The following SHROOM3 variants were observed in gnomAD, a reference collection of about 807,000 sequenced individuals.
The protein encoded by SHROOM3 is shroom family member 3.
Under a neutral mutation model 138.6 loss-of-function variants are expected in SHROOM3, and 47 were observed. The observed-to-expected ratio is 0.34, with a 90% CI of 0.27 to 0.43. The LOEUF is 0.43. Ranked by LOEUF, SHROOM3 falls within the 20% of genes least tolerant of loss-of-function variation. The pLI is 1.00. For synonymous variants in SHROOM3, 1,062 were observed against 1,063.3 expected (o/e 1.00, Z 0.02); for missense variants, 2,491 against 2,596.5 (o/e 0.96, Z 0.88).
chr4:76,716,277 C>A (rs1720370844), intron 3 of SHROOM3: 1 of 517,824 alleles, frequency 1.9e-6, no homozygotes, highest in Non-Finnish European at 3.9e-6. Flanking sequence ...ACATGTAGTA[C>A]TTGTGAGGCT....
intron 5 of SHROOM3, among the ~76,000 whole-genome samples, chr4:76,743,891 C>T (rs1721344993): frequency 6.6e-6 from 1 of 152,212 alleles, no homozygotes. Flanking sequence ...TTTCATTTAG[C>T]TTGATGGATT....
intron 1 of SHROOM3, among the ~76,000 whole-genome samples, chr4:76,532,670 G>C (rs1002331478): frequency 6.6e-6 from 1 of 152,148 alleles, no homozygotes; most frequent in Admixed American, 6.5e-5. Context: ...AGCAAAACTA[G>C]CATAAATTTG....
intron 1 of SHROOM3, among the ~76,000 whole-genome samples, chr4:76,460,922 A>C (rs1731129144): frequency 6.6e-6 from 1 of 151,208 alleles, no homozygotes; most frequent in South Asian, 2.1e-4. Flanking sequence ...GATTCTGGGA[A>C]GTCAAGGCAG....
intron 1 of SHROOM3, among the ~76,000 whole-genome samples, chr4:76,481,497 A>G (rs1375654152): frequency 2.6e-5 from 4 of 151,878 alleles, no homozygotes; most frequent in African/African-American, 9.7e-5. Context: ...ATAGCCTGCC[A>G]ACCAGGTAGG....
At chr4:76,532,401 C>T (rs1012018780) in intron 1 of SHROOM3, 4 of 152,146 alleles carry the variant, frequency 2.6e-5, no homozygotes, top group African/African-American at 9.7e-5. Context: ...TTCCCTATTC[C>T]ACTGAAAATA....
chr4:76,501,008 G>A lies in SHROOM3; in HGVS notation c.169-54601G>A, dbSNP rs561800984. 8.5e-5 allele frequency among the ~76,000 whole-genome samples: 13 copies of A among 152,112 alleles called. No individual in the cohort carries two copies. The East Asian group carries it at 2.3e-3, about 27-fold the overall frequency. On this transcript the variant is annotated intron_variant, in intron 1 of 10. Transcript: ENST00000296043. Reference sequence around the variant, plus strand: ...TTATTTTGTAGAGATGGGGGGTGGTGAATCTTGCTATTTGCTCAGGCTAAT... The same window carrying A: ...TTATTTTGTAGAGATGGGGGGTGGTAAATCTTGCTATTTGCTCAGGCTAAT...
intron 1 of SHROOM3, among the ~76,000 whole-genome samples, chr4:76,477,728 A>C (rs968625471): frequency 6.6e-6 from 1 of 152,182 alleles, no homozygotes; most frequent in African/African-American, 2.4e-5. Context: ...GCTCCCAGTG[A>C]GATCAACGCA....
At chr4:76,467,058 T>TTC (rs1731264160) in intron 1 of SHROOM3, among the ~76,000 whole-genome samples, 1 of 151,578 alleles carries the variant, frequency 6.6e-6, no homozygotes, top group Non-Finnish European at 1.5e-5. Context: ...TTTTTTTTTT[T>TTC]TCTAGACAGG....
chr4:76,545,586 C>G (rs953350858), intron 1 of SHROOM3, among the ~76,000 whole-genome samples: 23 of 152,324 alleles, frequency 1.5e-4, no homozygotes, highest in African/African-American at 5.5e-4. Context: ...ATTTCTTCCT[C>G]TTGGTCTCAT....
chr4:76,695,703 A>G (rs1719707315), intron 2 of SHROOM3, among the ~76,000 whole-genome samples: 1 of 152,206 alleles, frequency 6.6e-6, no homozygotes, highest in Non-Finnish European at 1.5e-5. Flanking sequence ...CTGTTCCTAT[A>G]TGAGCCTTTT....
intron 3 of SHROOM3, among the ~76,000 whole-genome samples, chr4:76,714,871 T>C (rs1720327253): frequency 6.6e-6 from 1 of 152,234 alleles, no homozygotes; most frequent in Non-Finnish European, 1.5e-5. Flanking sequence ...AATTCAGTAC[T>C]ACTGTTATTT....
intron 5 of SHROOM3, among the ~76,000 whole-genome samples, chr4:76,748,814 C>CTTTTT (rs34047499): frequency 2.0e-5 from 2 of 100,560 alleles, no homozygotes; most frequent in East Asian, 2.7e-4. Context: ...TCTGACTCTG[C>CTTTTT]TTTTTTTTTT....
intron 2 of SHROOM3, among the ~76,000 whole-genome samples, chr4:76,663,078 G>A (rs1041436411): frequency 2.0e-5 from 3 of 152,154 alleles, no homozygotes; most frequent in Admixed American, 6.5e-5. Context: ...CCTATAAGGG[G>A]ACTTTGCGGT....
intron 2 of SHROOM3, among the ~76,000 whole-genome samples, chr4:76,669,042 C>T (rs936844132): frequency 8.5e-5 from 13 of 152,156 alleles, no homozygotes; most frequent in African/African-American, 2.9e-4. Flanking sequence ...CACATGGAGA[C>T]GGGATAGGGA....
intron 3 of SHROOM3, among the ~76,000 whole-genome samples, chr4:76,719,631 A>C (rs1247904144): frequency 6.6e-6 from 1 of 152,214 alleles, no homozygotes; most frequent in Non-Finnish European, 1.5e-5. Context: ...CATTGCTGAC[A>C]AAGGGGATAT....
chr4:76,773,999 G>A (rs1162633423), intron 10 of SHROOM3, among the ~76,000 whole-genome samples: 1 of 152,186 alleles, frequency 6.6e-6, no homozygotes, highest in African/African-American at 2.4e-5. Context: ...TAAAATAACA[G>A]TTGGGAGGCT....
chr4:76,762,188 C>T (rs1452249395), intron 9 of SHROOM3, among the ~76,000 whole-genome samples: 2 of 152,176 alleles, frequency 1.3e-5, no homozygotes, highest in Non-Finnish European at 2.9e-5. Flanking sequence ...TGGTAATGAT[C>T]TCTCACATAA....
At chr4:76,545,046 C>T (rs1405913187) in intron 1 of SHROOM3, among the ~76,000 whole-genome samples, 1 of 152,252 alleles carries the variant, frequency 6.6e-6, no homozygotes, top group East Asian at 1.9e-4. Flanking sequence ...TTTATTTTAT[C>T]ACTTTTTTCC....
chr4:76,647,157 T>C (rs1735840218), intron 2 of SHROOM3, among the ~76,000 whole-genome samples: 1 of 152,160 alleles, frequency 6.6e-6, no homozygotes, highest in East Asian at 1.9e-4. Flanking sequence ...ATAAGCCAGG[T>C]AGAGAAAGAC....
Sources: allele counts gnomAD v4.1 joint callset (sites outside exome capture counted in the v4.1 genomes callset), GRCh38; gene constraint gnomAD v4.1.1; transcripts MANE v1.5; gene names NCBI Gene and HGNC (gene_info 2026-07-23, HGNC 2026-07-21).